Variants in RAD54L2 observed in about 807,000 individuals in gnomAD.
RAD54L2 encodes helicase ARIP4.
In RAD54L2, 27 loss-of-function variants were observed where a neutral mutation model predicts 138.4. That is an observed-to-expected ratio of 0.20 (90% CI 0.14 to 0.27). The LOEUF is 0.27. RAD54L2 is among the 10% of genes least tolerant of loss of function. RAD54L2 has a pLI of 1.00. For synonymous variants in RAD54L2, 644 were observed against 723.2 expected (o/e 0.89, Z 1.76); for missense variants, 1,396 against 1,890.2 (o/e 0.74, Z 4.85).
chr3:51,621,529 C>T (rs376651623), intron 3 of RAD54L2, among the ~76,000 whole-genome samples: 6 of 152,116 alleles, frequency 3.9e-5, no homozygotes, highest in Non-Finnish European at 7.3e-5. Context: ...TTTCTCCTCC[C>T]GGGAACAGCC....
rs1701906458 is a variant in RAD54L2 at position 51,666,174 on chromosome 3, C to CTTTTTGTTTT, written c.*2759_*2760insGTTTTTTTTT. The CTTTTTGTTTT allele has an allele frequency of 1.7e-5, 1 of 58,706 alleles. No individual in the cohort carries two copies. The highest frequency in any genetic ancestry group is 8.4e-5 in the African/African-American group (1 of 11,836). 3.6% of individuals were successfully genotyped at this position (58,706 alleles called of 1,614,324 possible). A position where few individuals can be genotyped will look rare whatever the true frequency, so the allele number is the denominator to read the frequency against. ...AGTGCTACCAGGTCCATGGTTTTTG[C>CTTTTTGTTTT]TTTTTTTTTTTTTTTTTTTTTTTTT... is the stretch of plus-strand genomic sequence containing the variant. On this transcript the variant is annotated 3_prime_UTR_variant, in exon 23 of 23. Coordinates refer to ENST00000684192, the MANE Select transcript of RAD54L2 (RefSeq NM_015106.4).
chr3:51,541,735 G>A (rs967787091), intron 2 of RAD54L2, 85 bp downstream of exon 2: 1 of 151,962 alleles, frequency 6.6e-6, no homozygotes. Flanking sequence ...TTTTTGCTTT[G>A]TTACTCTTCA....
intron 7 of RAD54L2, among the ~76,000 whole-genome samples, chr3:51,632,852 C>G (rs145339790): frequency 2.0e-5 from 3 of 149,270 alleles, no homozygotes; most frequent in African/African-American, 7.4e-5. Context: ...GAGATTGCGC[C>G]TTTGCACTCC....
chr3:51,606,766 T>G (rs1467135932), intron 3 of RAD54L2, among the ~76,000 whole-genome samples: 1 of 151,990 alleles, frequency 6.6e-6, no homozygotes, highest in Non-Finnish European at 1.5e-5. Flanking sequence ...CGCTGCAACC[T>G]CCACCTCCCG....
intron 3 of RAD54L2, among the ~76,000 whole-genome samples, chr3:51,626,955 T>G (rs1377030502): frequency 6.6e-6 from 1 of 152,168 alleles, no homozygotes; most frequent in African/African-American, 2.4e-5. Flanking sequence ...GAGTCTGTGT[T>G]TGTACATGCC....
chr3:51,614,966 T>C (rs980738288), intron 3 of RAD54L2, among the ~76,000 whole-genome samples: 1 of 151,850 alleles, frequency 6.6e-6, no homozygotes, highest in African/African-American at 2.4e-5. Context: ...CAAAGGTGAA[T>C]TACATTTTGG....
At chr3:51,577,611 G>A (rs1038638673) in intron 2 of RAD54L2, among the ~76,000 whole-genome samples, 2 of 152,188 alleles carry the variant, frequency 1.3e-5, no homozygotes, top group Non-Finnish European at 2.9e-5. Context: ...GGCCTTCTTT[G>A]TCTCTTTTGA....
At chr3:51,618,045 G>A (rs1245262499) in intron 3 of RAD54L2, among the ~76,000 whole-genome samples, 1 of 151,284 alleles carries the variant, frequency 6.6e-6, no homozygotes, top group African/African-American at 2.4e-5. Flanking sequence ...TACAACCTCC[G>A]CTTCCTGGGT....
chr3:51,631,872 A>G (rs767995160), intron 7 of RAD54L2, among the ~76,000 whole-genome samples: 25 of 152,084 alleles, frequency 1.6e-4, no homozygotes, highest in Non-Finnish European at 3.2e-4. Context: ...GAGCTCAAGC[A>G]GTCCTCCTGC....
rs1700054583 is a variant in RAD54L2 at position 51,600,382 on chromosome 3, A to C, written c.139+9823A>C. ...ATGATCTTAGCACTTTGGGAGTCCA[A>C]GGCAGGAGAATCCCTTGAGCCCAGG... On this transcript the variant is annotated intron_variant, in intron 3 of 22. Transcript: ENST00000684192. Among the ~76,000 whole-genome samples, 3 of 152,356 alleles carry C rather than the reference A, an allele frequency of 2.0e-5. No homozygotes were observed. In the East Asian group the frequency reaches 5.8e-4, roughly 29 times the overall value.
chr3:51,575,445 G>A (rs1559622409), intron 2 of RAD54L2, among the ~76,000 whole-genome samples: 4 of 152,118 alleles, frequency 2.6e-5, no homozygotes, highest in African/African-American at 9.7e-5. Context: ...TGGGCAGTAT[G>A]GCCATTTTTA....
Position 51,627,564 on chromosome 3 carries a change from G to C in RAD54L2, c.151G>C (p.Glu51Gln), listed in dbSNP as rs1231847285. 1.3e-6 allele frequency: 2 copies of C among 1,551,246 alleles called. No individual in the cohort carries two copies. Among genetic ancestry groups the C allele is most frequent in the Non-Finnish European group, 1.7e-6 (2 of 1,147,444 alleles). ...EEDLLDDPSL[E>Q]GMCGTEHAQL... ...CCTTGTTTTTTCAGACCCATCCCTG[G>C]AAGGCATGTGTGGCACTGAGCATGC... is the stretch of plus-strand genomic sequence containing the variant. Residue 51 changes from glutamate (E) to glutamine (Q), a missense_variant, in exon 4 of 23, where the codon GAA becomes CAA. Glu to Gln is a conservative substitution (Grantham distance 29). This residue lies in a region of RAD54L2 where 256 missense variants were observed against 344.6 expected (regional missense o/e 0.74). Coordinates refer to ENST00000684192, the MANE Select transcript of RAD54L2 (RefSeq NM_015106.4).
At chr3:51,556,353 G>A (rs193172868) in intron 2 of RAD54L2, among the ~76,000 whole-genome samples, 32 of 152,078 alleles carry the variant, frequency 2.1e-4, no homozygotes, top group Non-Finnish European at 1.9e-4. Flanking sequence ...TGCTCCCTAT[G>A]GCCTCAACCT....
At chr3:51,635,536 CAAT>C in intron 9 of RAD54L2, 54 bp from the exon 10 acceptor site, 1 of 1,508,250 alleles carries the variant, frequency 6.6e-7, no homozygotes, top group Non-Finnish European at 8.9e-7. Flanking sequence ...GCAGCAGAAA[CAAT>C]AATTCTTGAG....
intron 3 of RAD54L2, among the ~76,000 whole-genome samples, chr3:51,596,850 A>G (rs1197849398): frequency 1.3e-5 from 2 of 152,214 alleles, no homozygotes; most frequent in Non-Finnish European, 2.9e-5. Flanking sequence ...GTGGACAGCC[A>G]TGTTCAGCTA....
intron 2 of RAD54L2, among the ~76,000 whole-genome samples, chr3:51,563,587 C>T (rs540471011): frequency 7.9e-5 from 12 of 152,282 alleles, no homozygotes; most frequent in Non-Finnish European, 1.3e-4. Context: ...GTTTTTGCCA[C>T]GGTTCCCTCC....
rs1553680963 is a variant in RAD54L2, at chr3:51,589,683, T to TATATAC, written c.-54-683_-54-682insTATACA. ...CTCTATACATATATATATATATATA[T>TATATAC]ACACACACACACACACACACACACA... On this transcript the variant is annotated intron_variant, in intron 2 of 22. Transcript: ENST00000684192. 6.1e-3 allele frequency among the ~76,000 whole-genome samples: 879 copies of TATATAC among 144,838 alleles called. 25 individuals carry two copies. Among genetic ancestry groups the TATATAC allele is most frequent in the Admixed American group, 0.043 (603 of 14,122 alleles).
At position 51,627,716 on chromosome 3, in the gene RAD54L2, G is replaced by T. The variant is rs908015968; in HGVS notation, c.303G>T (p.Lys101Asn). 1.2e-6 allele frequency: 2 copies of T among 1,613,780 alleles called. No individual in the cohort carries two copies. Among genetic ancestry groups the T allele is most frequent in the African/African-American group, 1.3e-5 (1 of 74,930 alleles). The change falls in exon 4 of 23, where the codon AAG (lysine) becomes AAT (asparagine). Residue 101 changes from lysine (K) to asparagine (N), a missense_variant. Transcript: ENST00000684192. ...KNLASEDPKK[K>N]RAQKPSHMRR... ...TAGCCTCCGAGGACCCCAAAAAGAA[G>T]AGAGCTCAGAAGCCCTCCCACATGA...
chr3:51,539,980 G>A (rs924477789), intron 1 of RAD54L2, among the ~76,000 whole-genome samples: 5 of 152,112 alleles, frequency 3.3e-5, no homozygotes, highest in Non-Finnish European at 7.4e-5. Flanking sequence ...ATTTCTTTGT[G>A]GTATTTGGAT....
Sources: allele counts gnomAD v4.1 joint callset (sites outside exome capture counted in the v4.1 genomes callset), GRCh38; gene constraint gnomAD v4.1.1; regional missense constraint gnomAD v4.1.1; transcripts MANE v1.5; gene names NCBI Gene and HGNC (gene_info 2026-07-23, HGNC 2026-07-21).